ADGRL2: variants seen among roughly 807,000 people sequenced by gnomAD.
ADGRL2 encodes the protein adhesion G protein-coupled receptor L2.
Under a neutral mutation model 157.4 loss-of-function variants are expected in ADGRL2, and 44 were observed. The observed-to-expected ratio is 0.28, with a 90% CI of 0.22 to 0.36. The LOEUF is 0.36. Among genes scored for constraint, ADGRL2 ranks in the 10% least tolerant of loss-of-function variants. ADGRL2 has a pLI of 1.00. For synonymous variants in ADGRL2, 585 were observed against 624.7 expected (o/e 0.94, Z 0.95); for missense variants, 1,510 against 1,768.9 (o/e 0.85, Z 2.63).
intron 3 of ADGRL2, among the ~76,000 whole-genome samples, chr1:81,658,668 T>A (rs1452101276): frequency 6.6e-6 from 1 of 152,220 alleles, no homozygotes; most frequent in Non-Finnish European, 1.5e-5. Flanking sequence ...ACATGCAGTA[T>A]TTGACTTTCT....
At chr1:81,763,639 C>T (rs1472711749) in intron 2 of ADGRL2, among the ~76,000 whole-genome samples, 1 of 149,294 alleles carries the variant, frequency 6.7e-6, no homozygotes. Context: ...AATCCCAGCA[C>T]TTTGGGAGGC....
intron 2 of ADGRL2, among the ~76,000 whole-genome samples, chr1:81,497,064 A>C (rs1315637941): frequency 6.6e-6 from 1 of 152,190 alleles, no homozygotes; most frequent in Non-Finnish European, 1.5e-5. Context: ...TCTGTAACCA[A>C]ATATAAAGAG....
intron 1 of ADGRL2, among the ~76,000 whole-genome samples, chr1:81,403,548 G>A (rs1235327573): frequency 1.3e-5 from 2 of 152,044 alleles, no homozygotes; most frequent in African/African-American, 2.4e-5. Context: ...TTACAGCCAT[G>A]AGTCACCGTG....
chr1:81,344,876 A>G (rs1025749304), intron 1 of ADGRL2, among the ~76,000 whole-genome samples: 2 of 152,088 alleles, frequency 1.3e-5, no homozygotes, highest in Non-Finnish European at 2.9e-5. Flanking sequence ...GTTATTCATT[A>G]AGGTAAACAA....
chr1:81,741,393 G>A (rs1485034821), intron 1 of ADGRL2, among the ~76,000 whole-genome samples: 2 of 151,960 alleles, frequency 1.3e-5, no homozygotes, highest in Admixed American at 1.3e-4. Flanking sequence ...CGCAGATCTA[G>A]TCTTTACATT....
At chr1:81,851,797 T>C (rs952350980) in intron 2 of ADGRL2, among the ~76,000 whole-genome samples, 3 of 150,934 alleles carry the variant, frequency 2.0e-5, no homozygotes, top group African/African-American at 7.3e-5. Context: ...GAATTTCTTA[T>C]TTTCCACGTA....
chr1:81,866,862 G>T (rs1168280894), intron 2 of ADGRL2, among the ~76,000 whole-genome samples: 2 of 151,936 alleles, frequency 1.3e-5, no homozygotes, highest in African/African-American at 2.4e-5. Flanking sequence ...GATGTATGGG[G>T]TTTTTTTGGG....
intron 2 of ADGRL2, among the ~76,000 whole-genome samples, chr1:81,449,313 A>T (rs2077662664): frequency 6.6e-6 from 1 of 152,196 alleles, no homozygotes; most frequent in Non-Finnish European, 1.5e-5. Flanking sequence ...GAATTATATT[A>T]TCCAGGGTCT....
At chr1:81,969,139 G>T in intron 14 of ADGRL2, 39 bp from the exon 15 acceptor site, 2 of 1,407,926 alleles carry the variant, frequency 1.4e-6, no homozygotes, top group East Asian at 2.3e-5. Flanking sequence ...TTGATGTAAT[G>T]CAGGAATACT....
rs371097379 is a variant in ADGRL2 at position 81,922,097 on chromosome 1, A to G, written c.288-14631A>G. Among the ~76,000 whole-genome samples, 7 of 152,302 alleles carry G rather than the reference A, an allele frequency of 4.6e-5. No homozygotes were observed. In the East Asian group the frequency reaches 9.7e-4, roughly 21 times the overall value. ...TCTGTAGTCTGGTGAAGAAGAGGAG[A>G]TAATGTACAGAAATAACTGTGATAC... On this transcript the variant is annotated intron_variant, in intron 3 of 23. Coordinates refer to ENST00000686636, the MANE Select transcript of ADGRL2 (RefSeq NM_001366006.2).
At chr1:81,971,178 G>A (rs2149333861) in intron 16 of ADGRL2, among the ~76,000 whole-genome samples, 1 of 151,962 alleles carries the variant, frequency 6.6e-6, no homozygotes, top group African/African-American at 2.4e-5. Context: ...AAGATTCTTT[G>A]GACTAAAGAA....
In ADGRL2 at chr1:81,322,113, C is replaced by CATATATATAT. The variant is rs1345847160; in HGVS notation, c.-302+15606_-302+15615dup. 1.5e-3 allele frequency among the ~76,000 whole-genome samples: 165 copies of CATATATATAT among 112,050 alleles called. 1 individual carries two copies. Among genetic ancestry groups the CATATATATAT allele is most frequent in the African/African-American group, 5.3e-3 (149 of 28,078 alleles). The allele number at this position is 112,050 out of a possible 152,430, so 73.5% of individuals were successfully genotyped here. On this transcript the variant is annotated intron_variant, in intron 1 of 24. Coordinates refer to the ADGRL2 transcript ENST00000370721. ...ATATATATATATATATATATATACACATATATATATACACACACACACGTA... is the reference window on the plus strand; with the variant it reads ...ATATATATATATATATATATATACACATATATATATATATATATATACACACACACACGTA...
At chr1:81,691,864 A>T (rs1416940034) in intron 3 of ADGRL2, among the ~76,000 whole-genome samples, 1 of 136,696 alleles carries the variant, frequency 7.3e-6, no homozygotes, top group Non-Finnish European at 1.6e-5. Flanking sequence ...ATATATATAT[A>T]TGGGTGTGTG....
At chr1:81,434,389 T>C (rs2077373762) in intron 1 of ADGRL2, among the ~76,000 whole-genome samples, 1 of 152,216 alleles carries the variant, frequency 6.6e-6, no homozygotes, top group Admixed American at 6.5e-5. Flanking sequence ...CCAACTTTGC[T>C]TGTTTTTTAT....
chr1:81,901,627 C>G (rs888481052), intron 2 of ADGRL2, among the ~76,000 whole-genome samples: 1 of 150,806 alleles, frequency 6.6e-6, no homozygotes, highest in African/African-American at 2.4e-5. Flanking sequence ...TATTCTAGAT[C>G]ATTAATGTGA....
intron 2 of ADGRL2, among the ~76,000 whole-genome samples, chr1:81,546,892 C>G (rs1288271951): frequency 6.6e-6 from 1 of 152,118 alleles, no homozygotes; most frequent in African/African-American, 2.4e-5. Context: ...TTGTCCATCC[C>G]CAAGGCATTC....
chr1:81,426,569 T>C, intron 1 of ADGRL2: 1 of 460,682 alleles, frequency 2.2e-6, no homozygotes, highest in Non-Finnish European at 4.3e-6. Flanking sequence ...GAAAACTGTT[T>C]ATTGGTGTTC....
intron 1 of ADGRL2, among the ~76,000 whole-genome samples, chr1:81,711,099 TCA>T (rs2083912674): frequency 1.3e-5 from 2 of 152,196 alleles, no homozygotes; most frequent in East Asian, 1.9e-4. Flanking sequence ...ACTGTTAATA[TCA>T]CCACCAAGCT....
intron 2 of ADGRL2, among the ~76,000 whole-genome samples, chr1:81,543,098 T>C (rs992527443): frequency 2.6e-5 from 4 of 152,154 alleles, no homozygotes; most frequent in African/African-American, 9.7e-5. Context: ...ATCTAGCATG[T>C]AGGACTGTAT....
Sources: allele counts gnomAD v4.1 joint callset (sites outside exome capture counted in the v4.1 genomes callset), GRCh38; gene constraint gnomAD v4.1.1; transcripts MANE v1.5; gene names NCBI Gene and HGNC (gene_info 2026-07-23, HGNC 2026-07-21).